The following AP3B1 variants were observed in gnomAD, a reference collection of about 807,000 sequenced individuals.
The protein encoded by AP3B1 is AP-3 complex subunit beta-1.
AP3B1 carries 61 observed loss-of-function variants against 132.5 expected under a neutral mutation model. The observed-to-expected ratio is 0.46, with a 90% CI of 0.37 to 0.57. The LOEUF (loss-of-function observed/expected upper bound fraction) is 0.57. Ranked by LOEUF, AP3B1 falls within the 20% of genes least tolerant of loss-of-function variation. AP3B1 has a pLI of 0.00. For synonymous variants in AP3B1, 388 were observed against 438.3 expected (o/e 0.89, Z 1.43); for missense variants, 1,120 against 1,289.4 (o/e 0.87, Z 2.01).
intron 17 of AP3B1, among the ~76,000 whole-genome samples, chr5:78,117,750 C>T (rs967810324): frequency 6.6e-6 from 1 of 152,106 alleles, no homozygotes. Flanking sequence ...GTATTAGTAA[C>T]AGCATTTACT....
chr5:78,032,705 A>G (rs1266399466), intron 24 of AP3B1, among the ~76,000 whole-genome samples: 1 of 151,894 alleles, frequency 6.6e-6, no homozygotes, highest in African/African-American at 2.4e-5. Flanking sequence ...AAAATTTTTG[A>G]TCTAGCATGC....
rs1221935245 is a variant in AP3B1, at chr5:78,205,048, T to C, written c.786+11007A>G. On this transcript the variant is annotated intron_variant, in intron 7 of 26. Transcript: ENST00000255194. ...TTAAAATAAAATGTTGGGGAAAATA[T>C]GGATTAGAAACAACTTATCTGTTTC... 1.3e-5 allele frequency among the ~76,000 whole-genome samples: 2 copies of C among 152,162 alleles called. 1 individual carries two copies. The highest frequency in any genetic ancestry group is 4.1e-4 in the South Asian group (2 of 4,830).
chr5:78,027,454 G>T (rs1014652430), intron 24 of AP3B1, among the ~76,000 whole-genome samples: 19 of 151,782 alleles, frequency 1.3e-4, no homozygotes, highest in Admixed American at 8.5e-4. Context: ...AAATATTCTT[G>T]TGGCTTTAAG....
At position 78,012,193 on chromosome 5, in the gene AP3B1, T is replaced by C. The variant is rs548620600; in HGVS notation, c.3131+3217A>G. ...ATATAAACTTAGATATAGAAATGTA[T>C]TAATTCCATGGAGTAGGGTAATATA... On this transcript the variant is annotated intron_variant, in intron 26 of 26. Transcript: ENST00000255194. Among the ~76,000 whole-genome samples the C allele has an allele frequency of 2.6e-5, 4 of 151,988 alleles. No individual in the cohort carries two copies. In the South Asian group the frequency reaches 8.3e-4, roughly 32 times the overall value.
At chr5:78,172,642 G>C (rs1199642218) in intron 11 of AP3B1, among the ~76,000 whole-genome samples, 1 of 151,970 alleles carries the variant, frequency 6.6e-6, no homozygotes, top group Non-Finnish European at 1.5e-5. Flanking sequence ...CATTAGTCTT[G>C]CTAGCAGTCT....
At chr5:78,080,444 T>C (rs1462271900) in intron 22 of AP3B1, among the ~76,000 whole-genome samples, 1 of 151,866 alleles carries the variant, frequency 6.6e-6, no homozygotes, top group Non-Finnish European at 1.5e-5. Flanking sequence ...AGATGTAGTT[T>C]CCAATTTTCT....
At chr5:78,129,672 G>A (rs1036786055) in intron 15 of AP3B1, among the ~76,000 whole-genome samples, 3 of 151,970 alleles carry the variant, frequency 2.0e-5, no homozygotes, top group African/African-American at 4.8e-5. Flanking sequence ...AAACTTAATC[G>A]GAAAAATATG....
intron 3 of AP3B1, among the ~76,000 whole-genome samples, chr5:78,230,586 A>G (rs1038447349): frequency 3.3e-5 from 5 of 152,218 alleles, no homozygotes; most frequent in African/African-American, 4.8e-5. Context: ...TCAAACAGAA[A>G]TAGTCCCCAA....
At chr5:78,009,975 G>T (rs952528481) in intron 26 of AP3B1, among the ~76,000 whole-genome samples, 1 of 152,138 alleles carries the variant, frequency 6.6e-6, no homozygotes, top group African/African-American at 2.4e-5. Context: ...AAATGAGTAG[G>T]TAAGTGTGAC....
intron 24 of AP3B1, among the ~76,000 whole-genome samples, chr5:78,033,655 G>A (rs1165933499): frequency 6.6e-6 from 1 of 151,884 alleles, no homozygotes; most frequent in Non-Finnish European, 1.5e-5. Flanking sequence ...ATCAGAAAAA[G>A]AAAAGAGTTC....
intron 1 of AP3B1, among the ~76,000 whole-genome samples, chr5:78,274,773 A>G (rs1278952266): frequency 6.6e-6 from 1 of 152,148 alleles, no homozygotes; most frequent in Non-Finnish European, 1.5e-5. Context: ...ATATTTTTAA[A>G]AAATTAGCTG....
At chr5:78,138,785 A>G (rs140226868) in intron 15 of AP3B1, among the ~76,000 whole-genome samples, 190 of 152,106 alleles carry the variant, frequency 1.2e-3, no homozygotes, top group East Asian at 7.4e-3. Context: ...CAGCCTGGCC[A>G]ACACGGTGAA....
At chr5:78,108,809 G>A (rs1286773386) in intron 20 of AP3B1, among the ~76,000 whole-genome samples, 1 of 152,032 alleles carries the variant, frequency 6.6e-6, no homozygotes, top group Non-Finnish European at 1.5e-5. Flanking sequence ...ACAACATGAT[G>A]TTCAACCACT....
intron 2 of AP3B1, among the ~76,000 whole-genome samples, chr5:78,244,759 G>C (rs927458046): frequency 5.6e-4 from 86 of 152,260 alleles, no homozygotes; most frequent in South Asian, 1.0e-3. Flanking sequence ...CACTTTGGGA[G>C]GCCGAGGAGC....
chr5:78,044,088 G>A, intron 22 of AP3B1: 1 of 324,498 alleles, frequency 3.1e-6, no homozygotes. Flanking sequence ...ATATCTGCCT[G>A]AAAGGCAAGT....
In AP3B1 at chr5:78,092,488, T is replaced by TA. The variant is rs903862439; in HGVS notation, c.2471-2990dup. 7.2e-5 allele frequency among the ~76,000 whole-genome samples: 11 copies of TA among 152,084 alleles called. No individual in the cohort carries two copies. In the East Asian group the frequency reaches 7.7e-4, roughly 11 times the overall value. ...AAACAAAGTGACTCTATGGGGTTTT[T>TA]AAAAAAAATGTCATAGTATACAAGT... On this transcript the variant is annotated intron_variant, in intron 21 of 26. Transcript: ENST00000255194.
chr5:78,181,777 CTTCTGT>C (rs2112414714), intron 7 of AP3B1, 115 bp from the exon 8 acceptor site: 1 of 865,140 alleles, frequency 1.2e-6, no homozygotes, highest in East Asian at 2.5e-5. Context: ...CCGTAGAATA[CTTCTGT>C]TTGGGCAATT....
intron 7 of AP3B1, among the ~76,000 whole-genome samples, chr5:78,198,003 T>C (rs1308438420): frequency 1.3e-5 from 2 of 152,166 alleles, no homozygotes; most frequent in Non-Finnish European, 2.9e-5. Context: ...GTGCACACAA[T>C]TTACATAAAT....
chr5:78,049,695 G>A (rs1455230755), intron 22 of AP3B1, among the ~76,000 whole-genome samples: 1 of 152,098 alleles, frequency 6.6e-6, no homozygotes, highest in African/African-American at 2.4e-5. Flanking sequence ...CCTATCATCT[G>A]GATTATTCCA....
Sources: gnomAD v4.1 joint callset for allele counts (sites outside exome capture counted in the v4.1 genomes callset) on GRCh38, gnomAD v4.1.1 for gene constraint, MANE v1.5 for transcripts, NCBI Gene and HGNC (gene_info 2026-07-23, HGNC 2026-07-21) for gene names.